Variants in TAF2 observed in about 807,000 individuals in gnomAD.
TAF2 encodes transcription initiation factor TFIID subunit 2.
In TAF2, 61 loss-of-function variants were observed where a neutral mutation model predicts 138.5. The ratio of observed to expected loss-of-function variants is 0.44; its 90% CI spans 0.36 to 0.54. TAF2 has a LOEUF of 0.54. Ranked by LOEUF, TAF2 falls within the 20% of genes least tolerant of loss-of-function variation. The probability of loss-of-function intolerance (pLI) is 0.00; values close to 1 mark genes in which losing one functional copy is unlikely to be tolerated. For synonymous variants in TAF2, 475 were observed against 469.9 expected (o/e 1.01, Z -0.14); for missense variants, 1,090 against 1,427.9 (o/e 0.76, Z 3.81).
rs540817204 is a variant in TAF2 at position 119,832,547 on chromosome 8, T to C, written c.18A>G (p.Val6=). Residue 6 remains valine, a synonymous_variant, in exon 1 of 26, where the codon GTA becomes GTG. Transcript: ENST00000378164. ...TCTTCCTGTTCATTCTGGCGGGCTC[T>C]ACACCAGTCAGCGGCATGAAGCGGT... MPLTG[V]EPARMNRKKG... The C allele has an allele frequency of 4.3e-6, 7 of 1,613,456 alleles. No individual in the cohort carries two copies. The Admixed American group carries it at 5.0e-5, about 12-fold the overall frequency.
At chr8:119,811,327 CAATTATTTGTAA>C in intron 3 of TAF2, among the ~76,000 whole-genome samples, 1 of 152,138 alleles carries the variant, frequency 6.6e-6, no homozygotes, top group African/African-American at 2.4e-5. Context: ...ACTTCAGTTT[CAATTATTTGTAA>C]ACTTTCCCTC....
chr8:119,821,780 T>C (rs970988819), intron 2 of TAF2, among the ~76,000 whole-genome samples: 8 of 152,198 alleles, frequency 5.3e-5, no homozygotes, highest in Non-Finnish European at 1.2e-4. Flanking sequence ...CTCACGCCTG[T>C]AATCCTAGCA....
At chr8:119,753,314 T>C (rs1820480208) in intron 22 of TAF2, among the ~76,000 whole-genome samples, 1 of 152,160 alleles carries the variant, frequency 6.6e-6, no homozygotes, top group Non-Finnish European at 1.5e-5. Context: ...ACTTTTGCCA[T>C]TAAATTTTTT....
At chr8:119,783,340 A>G (rs1171808728) in intron 16 of TAF2, 41 bp downstream of exon 16, 5 of 1,593,288 alleles carry the variant, frequency 3.1e-6, no homozygotes, top group Admixed American at 1.7e-5. Flanking sequence ...TACAAAAAAT[A>G]TATACAATAG....
intron 25 of TAF2, among the ~76,000 whole-genome samples, chr8:119,738,775 G>GAATA (rs1482154332): frequency 6.6e-6 from 1 of 152,052 alleles, no homozygotes; most frequent in Admixed American, 6.6e-5. Context: ...AAGAAACTGT[G>GAATA]AATAACCTGC....
At chr8:119,745,013 T>C (rs1412230016) in intron 23 of TAF2, 5 of 456,104 alleles carry the variant, frequency 1.1e-5, no homozygotes, top group South Asian at 6.2e-5. Context: ...TACATGATGC[T>C]TCCTTGGCAA....
chr8:119,742,559 A>G lies in TAF2; in HGVS notation c.3312T>C (p.Ser1104=), dbSNP rs201012647. 1 of 1,613,688 alleles carries G rather than the reference A, an allele frequency of 6.2e-7. No individual in the cohort carries two copies. Among genetic ancestry groups the G allele is most frequent in the African/African-American group, 1.3e-5 (1 of 74,912 alleles). The change falls in exon 25 of 26, where the codon AGT becomes AGC. Residue 1104 remains serine, a synonymous_variant. Coordinates refer to ENST00000378164, the MANE Select transcript of TAF2 (RefSeq NM_003184.4). ...DSTPTTKPQW[S]LELARKGTGK... is the part of the protein sequence containing the mutation. ...CTGTTCCCTTCCGTGCAAGTTCCAA[A>G]CTCCACTGGGGTTTTGTGGTGGGTG... is the stretch of plus-strand genomic sequence containing the variant.
intron 22 of TAF2, among the ~76,000 whole-genome samples, chr8:119,752,275 T>G (rs1245938936): frequency 6.6e-6 from 1 of 152,024 alleles, no homozygotes; most frequent in South Asian, 2.1e-4. Flanking sequence ...ATCTGATACG[T>G]GTATGAGTGA....
intron 18 of TAF2, among the ~76,000 whole-genome samples, chr8:119,770,069 T>C (rs1378444060): frequency 2.0e-5 from 3 of 151,568 alleles, no homozygotes; most frequent in Non-Finnish European, 4.4e-5. Flanking sequence ...CAATTTTTTT[T>C]TTTTTAAATG....
intron 3 of TAF2, among the ~76,000 whole-genome samples, chr8:119,813,607 G>A (rs757152479): frequency 6.6e-6 from 1 of 152,128 alleles, no homozygotes; most frequent in Non-Finnish European, 1.5e-5. Context: ...ATCCAGAGAA[G>A]GACAAAGAGG....
chr8:119,758,284 G>T, intron 20 of TAF2, 142 bp from the exon 21 acceptor site: 1 of 691,986 alleles, frequency 1.4e-6, no homozygotes, highest in Non-Finnish European at 2.4e-6. Context: ...TTATAGGTAA[G>T]CTCTTATATT....
At chr8:119,788,733 T>G in intron 13 of TAF2, 57 bp downstream of exon 13, 1 of 1,212,464 alleles carries the variant, frequency 8.2e-7, no homozygotes, top group Middle Eastern at 1.9e-4. Flanking sequence ...CCTAAGTCCC[T>G]CTTCTATTGA....
intron 3 of TAF2, among the ~76,000 whole-genome samples, chr8:119,813,658 G>A (rs1215781627): frequency 6.6e-6 from 1 of 152,234 alleles, no homozygotes; most frequent in Non-Finnish European, 1.5e-5. Flanking sequence ...ATGAGGAATG[G>A]TTGAGAGTAA....
Position 119,789,762 on chromosome 8 carries a change from C to A in TAF2, c.1414-16G>T. On this transcript the variant is annotated splice_polypyrimidine_tract_variant and intron_variant, in intron 11 of 25. Transcript: ENST00000378164. The stretch of plus-strand genomic sequence containing the variant: ...TATTGAAAACCTGTAAGGATAAAAT[C>A]ATTTAGTAAATTCATATAACAGATT... The A allele has an allele frequency of 6.2e-7, 1 of 1,611,080 alleles. No individual in the cohort carries two copies. The highest frequency in any genetic ancestry group is 1.1e-5 in the South Asian group (1 of 90,876).
At position 119,789,776 on chromosome 8, in the gene TAF2, A is replaced by G. The variant is rs534727050; in HGVS notation, c.1414-30T>C. The G allele has an allele frequency of 5.0e-5, 80 of 1,600,216 alleles. 1 individual carries two copies. The East Asian group carries it at 1.8e-3, about 35-fold the overall frequency. On this transcript the variant is annotated intron_variant, in intron 11 of 25. Transcript: ENST00000378164. The stretch of plus-strand genomic sequence containing the variant: ...AAGGATAAAATCATTTAGTAAATTC[A>G]TATAACAGATTCTTTTCAATTATAT...
chr8:119,753,339 A>G (rs1185624504), intron 22 of TAF2, among the ~76,000 whole-genome samples: 1 of 152,218 alleles, frequency 6.6e-6, no homozygotes, highest in African/African-American at 2.4e-5. Flanking sequence ...TCAAATAAAA[A>G]AAGTATTTCT....
In TAF2 at chr8:119,819,376, G is replaced by A. The variant is rs531974301; in HGVS notation, c.269C>T (p.Thr90Ile). 4.3e-6 allele frequency: 7 copies of A among 1,612,926 alleles called. No individual in the cohort carries two copies. In the South Asian group the frequency reaches 7.7e-5, roughly 18 times the overall value. Residue 90 changes from threonine to isoleucine, a missense_variant, in exon 3 of 26, where the codon ACC becomes ATC. Thr to Ile is a moderately conservative substitution (Grantham distance 89). Around this residue, in one of 3 missense-constraint regions of TAF2, gnomAD observed 504 missense variants for 680.9 expected, o/e 0.74. Coordinates refer to ENST00000378164, the MANE Select transcript of TAF2 (RefSeq NM_003184.4). ...TGATTCACTGTGACAAACTTCCAAG[G>A]TTGGGTCATTATAAATAAAAGCAGC... ...LEAAFIYNDP[T>I]LEVCHSESKQ... is the part of the protein sequence containing the mutation.
At chr8:119,829,547 ATATG>A (rs1826310455) in intron 2 of TAF2, among the ~76,000 whole-genome samples, 1 of 152,034 alleles carries the variant, frequency 6.6e-6, no homozygotes, top group Non-Finnish European at 1.5e-5. Context: ...GTGTGTATAT[ATATG>A]TATGTGTATA....
rs1294396721 is a variant in TAF2, at chr8:119,742,601, T to C, written c.3270A>G (p.Ser1090=). ...SSRSALIPQH[S]AGCDSTPTTK... ...TGGTGGGTGTGCTGTCACAGCCTGC[T>C]GAGTGCTGGGGTATTAAAGCAGATC... The change falls in exon 25 of 26, where the codon TCA becomes TCG. Residue 1090 remains serine, a synonymous_variant. Transcript: ENST00000378164. The C allele has an allele frequency of 6.2e-7, 1 of 1,614,042 alleles. No homozygotes were observed. The highest frequency in any genetic ancestry group is 1.3e-5 in the African/African-American group (1 of 75,026).
Sources: allele counts gnomAD v4.1 joint callset (sites outside exome capture counted in the v4.1 genomes callset), GRCh38; gene constraint gnomAD v4.1.1; regional missense constraint gnomAD v4.1.1; transcripts MANE v1.5; gene names NCBI Gene and HGNC (gene_info 2026-07-23, HGNC 2026-07-21).